Variants in GRIA4 observed in about 807,000 individuals in gnomAD.
The protein encoded by GRIA4 is glutamate ionotropic receptor AMPA type subunit 4.
GRIA4 carries 34 observed loss-of-function variants against 104.0 expected under a neutral mutation model. The ratio of observed to expected loss-of-function variants is 0.33; its 90% CI spans 0.25 to 0.44. The LOEUF (loss-of-function observed/expected upper bound fraction) is 0.44, where lower values mean the gene tolerates loss of function less well. Among genes scored for constraint, GRIA4 ranks in the 20% least tolerant of loss-of-function variants. GRIA4 has a pLI of 1.00. For missense variants in GRIA4, 750 were observed against 1,096.5 expected (o/e 0.68, Z 4.46); for synonymous variants, 386 against 381.9 (o/e 1.01, Z -0.13).
chr11:105,812,387 C>T (rs936450477), intron 4 of GRIA4, among the ~76,000 whole-genome samples: 1 of 152,290 alleles, frequency 6.6e-6, no homozygotes, highest in South Asian at 2.1e-4. Flanking sequence ...CTACCTGGGA[C>T]CATCTTCTAG....
At chr11:105,773,769 T>G (rs954735978) in intron 4 of GRIA4, among the ~76,000 whole-genome samples, 1 of 151,852 alleles carries the variant, frequency 6.6e-6, no homozygotes, top group Non-Finnish European at 1.5e-5. Flanking sequence ...TTCCACCTGG[T>G]TGGGGAGAAT....
At chr11:105,913,311 T>C in intron 10 of GRIA4, 1 of 598,984 alleles carries the variant, frequency 1.7e-6, no homozygotes, top group Non-Finnish European at 2.1e-6. Flanking sequence ...TGTTGAAAGT[T>C]ATTTTTTCTT....
intron 4 of GRIA4, among the ~76,000 whole-genome samples, chr11:105,763,225 C>T (rs1196547916): frequency 1.3e-5 from 2 of 151,978 alleles, no homozygotes; most frequent in East Asian, 3.9e-4. Flanking sequence ...GTGGCACAAA[C>T]CAAAGCAAGG....
At chr11:105,948,510 A>G (rs1183989326) in intron 14 of GRIA4, among the ~76,000 whole-genome samples, 1 of 151,574 alleles carries the variant, frequency 6.6e-6, no homozygotes, top group Non-Finnish European at 1.5e-5. Flanking sequence ...TTTTTAAAAT[A>G]AAAATAAATT....
rs574761123 is a variant in GRIA4 at position 105,687,435 on chromosome 11, T to C, written c.248-65546T>C. ...TAGAAGGCAGAAAGTAATGTGTTAC[T>C]TGAAAGAGACAGATGCTGAAGGGGC... On this transcript the variant is annotated intron_variant, in intron 3 of 16. Coordinates refer to ENST00000282499, the MANE Select transcript of GRIA4 (RefSeq NM_000829.4). Among the ~76,000 whole-genome samples the C allele has an allele frequency of 2.9e-4, 44 of 152,314 alleles. 2 individuals carry two copies. The South Asian group carries it at 7.5e-3, about 26-fold the overall frequency.
chr11:105,797,177 C>G (rs1019937683), intron 4 of GRIA4, among the ~76,000 whole-genome samples: 9 of 151,968 alleles, frequency 5.9e-5, no homozygotes, highest in African/African-American at 2.2e-4. Context: ...CCACTGCACT[C>G]TAGCCTGGAT....
At chr11:105,945,798 T>A (rs1345888343) in intron 14 of GRIA4, among the ~76,000 whole-genome samples, 1 of 152,218 alleles carries the variant, frequency 6.6e-6, no homozygotes, top group African/African-American at 2.4e-5. Flanking sequence ...GATACTTGCA[T>A]AGGCCTTAGA....
Position 105,979,565 on chromosome 11 carries a change from T to G in GRIA4, c.2545-10T>G. ...CCGCGTTCTTTCTGCTTCCTTTCCA[T>G]GCAACCCAGCTGACCTTTTCTGAAG... On this transcript the variant is annotated splice_polypyrimidine_tract_variant and intron_variant, in intron 16 of 16. Coordinates refer to ENST00000282499, the MANE Select transcript of GRIA4 (RefSeq NM_000829.4). The G allele has an allele frequency of 6.2e-7, 1 of 1,613,312 alleles. No individual in the cohort carries two copies. The highest frequency in any genetic ancestry group is 8.5e-7 in the Non-Finnish European group (1 of 1,179,332).
At chr11:105,867,037 C>A (rs1299899135) in intron 5 of GRIA4, among the ~76,000 whole-genome samples, 1 of 151,992 alleles carries the variant, frequency 6.6e-6, no homozygotes, top group Non-Finnish European at 1.5e-5. Flanking sequence ...TAATTGGAAC[C>A]CCTTTCAGCA....
chr11:105,753,415 T>C (rs1940121006), intron 4 of GRIA4, among the ~76,000 whole-genome samples, 195 bp downstream of exon 4: 1 of 152,212 alleles, frequency 6.6e-6, no homozygotes. Context: ...AGGTTACTCC[T>C]GAGCAAACCA....
chr11:105,794,203 A>G (rs1231445250), intron 4 of GRIA4, among the ~76,000 whole-genome samples: 2 of 151,760 alleles, frequency 1.3e-5, no homozygotes, highest in African/African-American at 4.8e-5. Context: ...ATTAAAAACT[A>G]TCTTATTCGG....
chr11:105,827,412 A>T (rs1943811519), intron 4 of GRIA4, among the ~76,000 whole-genome samples: 1 of 152,034 alleles, frequency 6.6e-6, no homozygotes, highest in Admixed American at 6.6e-5. Context: ...AAAAACAGTA[A>T]ATTGAAGGAA....
intron 3 of GRIA4, among the ~76,000 whole-genome samples, chr11:105,663,285 T>A (rs1286073692): frequency 6.6e-6 from 1 of 151,922 alleles, no homozygotes; most frequent in Non-Finnish European, 1.5e-5. Flanking sequence ...AAGCTCACAA[T>A]AGTACGTTAG....
At chr11:105,660,953 C>T (rs942435708) in intron 3 of GRIA4, among the ~76,000 whole-genome samples, 1 of 151,490 alleles carries the variant, frequency 6.6e-6, no homozygotes, top group Non-Finnish European at 1.5e-5. Flanking sequence ...GAAGACCTAG[C>T]TACAATTTCT....
intron 3 of GRIA4, among the ~76,000 whole-genome samples, chr11:105,744,839 G>T (rs1939545824): frequency 1.3e-5 from 2 of 152,198 alleles, no homozygotes; most frequent in African/African-American, 2.4e-5. Context: ...CAGGCCCAGT[G>T]TAACCACATG....
At chr11:105,706,871 T>C (rs1466723907) in intron 3 of GRIA4, 4 of 152,316 alleles carry the variant, frequency 2.6e-5, no homozygotes, top group Admixed American at 6.5e-5. Flanking sequence ...GAAAGATGAA[T>C]TGGGAATTAC....
chr11:105,862,229 T>G, intron 5 of GRIA4, 21 bp downstream of exon 5: 1 of 1,390,896 alleles, frequency 7.2e-7, no homozygotes, highest in Non-Finnish European at 1.0e-6. Flanking sequence ...GATTTTATAT[T>G]TTTAACCTAG....
At chr11:105,752,865 C>A in intron 3 of GRIA4, 116 bp from the exon 4 acceptor site, 1 of 927,168 alleles carries the variant, frequency 1.1e-6, no homozygotes, top group African/African-American at 1.6e-5. Context: ...TCTTATACTC[C>A]TGACAGATCC....
intron 3 of GRIA4, among the ~76,000 whole-genome samples, chr11:105,653,927 C>T (rs942846315): frequency 1.5e-5 from 2 of 131,670 alleles, no homozygotes; most frequent in Non-Finnish European, 3.2e-5. Flanking sequence ...GGGAAAATGA[C>T]CTGAAAAAAT....
Sources: gnomAD v4.1 joint callset for allele counts (sites outside exome capture counted in the v4.1 genomes callset) on GRCh38, gnomAD v4.1.1 for gene constraint, MANE v1.5 for transcripts, NCBI Gene and HGNC (gene_info 2026-07-23, HGNC 2026-07-21) for gene names.